The following SKAP1 variants were observed in gnomAD, a reference collection of about 807,000 sequenced individuals.
SKAP1 encodes src kinase-associated phosphoprotein 1.
Under a neutral mutation model 58.5 loss-of-function variants are expected in SKAP1, and 44 were observed. The ratio of observed to expected loss-of-function variants is 0.75; its 90% CI spans 0.59 to 0.97. SKAP1 has a LOEUF of 0.97. SKAP1 is among the 50% of genes least tolerant of loss of function. The probability of loss-of-function intolerance (pLI) is 0.00; values close to 1 mark genes in which losing one functional copy is unlikely to be tolerated. For synonymous variants in SKAP1, 127 were observed against 149.7 expected (o/e 0.85, Z 1.11); for missense variants, 390 against 435.2 (o/e 0.90, Z 0.92).
chr17:48,305,145 G>A (rs2066119524), intron 4 of SKAP1, among the ~76,000 whole-genome samples: 3 of 152,120 alleles, frequency 2.0e-5, no homozygotes, highest in Non-Finnish European at 4.4e-5. Flanking sequence ...TGGAATTCAA[G>A]TGTCAGTGTC....
chr17:48,314,099 A>G (rs34768319), intron 4 of SKAP1, among the ~76,000 whole-genome samples: 3,132 of 152,346 alleles, frequency 0.021, 125 homozygotes, highest in African/African-American at 0.072. Flanking sequence ...AGTTTTCATT[A>G]TCTTGTCTTA....
chr17:48,420,868 T>TAA (rs2067785046), intron 1 of SKAP1, among the ~76,000 whole-genome samples: 1 of 152,160 alleles, frequency 6.6e-6, no homozygotes, highest in Admixed American at 6.6e-5. Flanking sequence ...CCTTAGCTTC[T>TAA]ACCCACTAGA....
At chr17:48,288,086 A>C (rs763860424) in intron 4 of SKAP1, among the ~76,000 whole-genome samples, 2 of 152,218 alleles carry the variant, frequency 1.3e-5, no homozygotes, top group Non-Finnish European at 1.5e-5. Flanking sequence ...TAACAGTGTT[A>C]CTTAATTTGA....
Position 48,430,142 on chromosome 17 carries a change from G to T in SKAP1, c.-22C>A. 1 of 1,255,800 alleles carries T rather than the reference G, an allele frequency of 8.0e-7. No homozygotes were observed. The highest frequency in any genetic ancestry group is 1.0e-6 in the Non-Finnish European group (1 of 992,820). The allele number at this position is 1,255,800 out of a possible 1,614,324, so 77.8% of individuals were successfully genotyped here. ...GCATTTGGCTGGGCGGGAGAGAGGC[G>T]GGACGGGGCGCGGGCCCTGGTCGGG... On this transcript the variant is annotated 5_prime_UTR_variant, in exon 1 of 13. Coordinates refer to ENST00000336915, the MANE Select transcript of SKAP1 (RefSeq NM_003726.4).
At chr17:48,216,494 CTTTT>C (rs34252112) in intron 4 of SKAP1, among the ~76,000 whole-genome samples, 1 of 144,816 alleles carries the variant, frequency 6.9e-6, no homozygotes, top group Non-Finnish European at 1.5e-5. Context: ...TGTGAATATA[CTTTT>C]TTTTTTTTTT....
chr17:48,423,207 T>C (rs1020568382), intron 1 of SKAP1, among the ~76,000 whole-genome samples: 1 of 152,188 alleles, frequency 6.6e-6, no homozygotes, highest in African/African-American at 2.4e-5. Context: ...AAGAAAAATA[T>C]TCTATACTAC....
At chr17:48,373,884 AT>A (rs936614576) in intron 2 of SKAP1, among the ~76,000 whole-genome samples, 4 of 151,472 alleles carry the variant, frequency 2.6e-5, no homozygotes, top group African/African-American at 7.3e-5. Flanking sequence ...ATCTAGATGA[AT>A]TTTTTTTTGC....
At chr17:48,175,095 C>T (rs1354544433) in intron 9 of SKAP1, among the ~76,000 whole-genome samples, 1 of 152,124 alleles carries the variant, frequency 6.6e-6, no homozygotes, top group African/African-American at 2.4e-5. Flanking sequence ...ACTGAATCCA[C>T]CTCAGAGGGA....
At position 48,295,825 on chromosome 17, in the gene SKAP1, G is replaced by A. The variant is rs188516710; in HGVS notation, c.280+50080C>T. 3.9e-3 allele frequency among the ~76,000 whole-genome samples: 593 copies of A among 151,802 alleles called. 4 individuals carry two copies. Among genetic ancestry groups the A allele is most frequent in the African/African-American group, 0.014 (560 of 41,392 alleles). ...ATCCTGTTTAAAGATATCACCGAGAGTGATATACCAATTTTTTAAAATTCT... is the reference window on the plus strand; with the variant it reads ...ATCCTGTTTAAAGATATCACCGAGAATGATATACCAATTTTTTAAAATTCT... On this transcript the variant is annotated intron_variant, in intron 4 of 12. Coordinates refer to ENST00000336915, the MANE Select transcript of SKAP1 (RefSeq NM_003726.4).
At chr17:48,150,670 A>AT (rs1388408058) in intron 11 of SKAP1, among the ~76,000 whole-genome samples, 1 of 152,182 alleles carries the variant, frequency 6.6e-6, no homozygotes, top group Non-Finnish European at 1.5e-5. Flanking sequence ...GAACAAGGAG[A>AT]TAGATGGTGG....
intron 1 of SKAP1, among the ~76,000 whole-genome samples, chr17:48,416,105 T>C (rs1266337969): frequency 6.6e-6 from 1 of 152,200 alleles, no homozygotes; most frequent in East Asian, 1.9e-4. Context: ...TAAGAAAATA[T>C]CTAAGTGAAC....
chr17:48,379,644 T>C (rs2067190199), intron 2 of SKAP1, among the ~76,000 whole-genome samples: 2 of 152,096 alleles, frequency 1.3e-5, no homozygotes, highest in African/African-American at 2.4e-5. Context: ...TTGATTTTTT[T>C]CCCTAATTGT....
intron 1 of SKAP1, among the ~76,000 whole-genome samples, chr17:48,412,121 T>G (rs751709034): frequency 7.2e-5 from 11 of 152,198 alleles, no homozygotes; most frequent in Non-Finnish European, 1.5e-4. Flanking sequence ...TTTCTATAAA[T>G]CTGAAACTGT....
intron 4 of SKAP1, among the ~76,000 whole-genome samples, chr17:48,336,529 T>G (rs2066572276): frequency 6.6e-6 from 1 of 151,976 alleles, no homozygotes; most frequent in Non-Finnish European, 1.5e-5. Context: ...ACAATATAAA[T>G]GAATTAGGGG....
chr17:48,153,766 C>G (rs2063933676), intron 11 of SKAP1, among the ~76,000 whole-genome samples: 1 of 151,754 alleles, frequency 6.6e-6, no homozygotes, highest in South Asian at 2.1e-4. Flanking sequence ...CTTACTACCC[C>G]TAAATTACCT....
intron 4 of SKAP1, among the ~76,000 whole-genome samples, chr17:48,203,073 T>C (rs1379815194): frequency 1.3e-5 from 2 of 152,220 alleles, no homozygotes; most frequent in African/African-American, 4.8e-5. Context: ...ACAACATGAT[T>C]TACAATGTGA....
chr17:48,189,966 C>T (rs895027318), intron 4 of SKAP1, among the ~76,000 whole-genome samples: 1 of 152,084 alleles, frequency 6.6e-6, no homozygotes, highest in Non-Finnish European at 1.5e-5. Context: ...ACGTGAGCCA[C>T]CACACCCAGC....
chr17:48,432,994 G>A (rs2175157), upstream of SKAP1, among the ~76,000 whole-genome samples: 19 of 152,258 alleles, frequency 1.2e-4, no homozygotes, highest in East Asian at 3.1e-3. Context: ...GTGCACAGTC[G>A]GGTAGTATGT....
At chr17:48,156,458 A>C in intron 11 of SKAP1, 1 of 529,952 alleles carries the variant, frequency 1.9e-6, no homozygotes. Flanking sequence ...GGAGCCACTG[A>C]AGAGCGCTAA....
Sources: allele counts gnomAD v4.1 joint callset (sites outside exome capture counted in the v4.1 genomes callset), GRCh38; gene constraint gnomAD v4.1.1; transcripts MANE v1.5; gene names NCBI Gene and HGNC (gene_info 2026-07-23, HGNC 2026-07-21).